ATP8A2: variants seen among roughly 807,000 people sequenced by gnomAD.
ATP8A2 encodes the protein phospholipid-transporting ATPase IB.
In ATP8A2, 100 loss-of-function variants were observed where a neutral mutation model predicts 165.6. The ratio of observed to expected loss-of-function variants is 0.60; its 90% CI spans 0.51 to 0.71. ATP8A2 has a LOEUF of 0.71. Ranked by LOEUF, ATP8A2 falls within the 30% of genes least tolerant of loss-of-function variation. ATP8A2 has a pLI of 0.00. For missense variants in ATP8A2, 1,227 were observed against 1,479.5 expected, an observed-to-expected ratio of 0.83 and a Z score of 2.80; for synonymous variants, 543 against 548.8, an observed-to-expected ratio of 0.99 and a Z score of 0.15.
intron 25 of ATP8A2, among the ~76,000 whole-genome samples, chr13:25,722,394 C>A (rs2043400896): frequency 1.3e-5 from 2 of 152,190 alleles, no homozygotes; most frequent in Non-Finnish European, 2.9e-5. Flanking sequence ...CAGGAAGTTC[C>A]CCATTCCCTA....
chr13:25,836,804 A>G (rs1045615864), intron 28 of ATP8A2, among the ~76,000 whole-genome samples: 3 of 152,238 alleles, frequency 2.0e-5, no homozygotes, highest in Non-Finnish European at 4.4e-5. Context: ...GGAAAGTTGT[A>G]AATTTTACGT....
At chr13:25,603,924 T>G (rs965859177) in intron 24 of ATP8A2, among the ~76,000 whole-genome samples, 4 of 152,066 alleles carry the variant, frequency 2.6e-5, no homozygotes, top group Non-Finnish European at 4.4e-5. Context: ...AAAGGTCTAT[T>G]ATGGAGAAAA....
intron 24 of ATP8A2, among the ~76,000 whole-genome samples, chr13:25,630,835 TA>T (rs1555233889): frequency 1.7e-3 from 254 of 150,052 alleles, no homozygotes; most frequent in Middle Eastern, 0.01. Flanking sequence ...CATCATCTAT[TA>T]AAAAAAAAAT....
Position 26,023,964 on chromosome 13 carries a change from A to G in ATP8A2, c.*3979A>G, listed in dbSNP as rs148695401. The G allele has an allele frequency of 5.4e-4, 83 of 152,332 alleles. No individual in the cohort carries two copies. Among genetic ancestry groups the G allele is most frequent in the Admixed American group, 2.2e-3 (33 of 15,296 alleles). 9.4% of individuals were successfully genotyped at this position (152,332 alleles called of 1,614,324 possible). ...TGAGTTTATCAGGTCGAGTCAAAAC[A>G]TGGCATCCCCTGTTACACTCAAGAA... On this transcript the variant is annotated 3_prime_UTR_variant, in exon 37 of 37. Transcript: ENST00000381655.
At chr13:25,529,918 C>A in intron 2 of ATP8A2, 81 bp from the exon 3 acceptor site, 1 of 764,278 alleles carries the variant, frequency 1.3e-6, no homozygotes, top group South Asian at 2.0e-5. Context: ...ATTTGTAAAA[C>A]TTTCTAAACT....
At chr13:25,559,113 TA>T in intron 14 of ATP8A2, 52 bp downstream of exon 14, 5 of 1,286,640 alleles carry the variant, frequency 3.9e-6, no homozygotes, top group Non-Finnish European at 5.5e-6. Context: ...TTCAAGAAAA[TA>T]AGTTTATTTT....
chr13:25,945,560 T>C (rs632913), intron 33 of ATP8A2, among the ~76,000 whole-genome samples: 34,392 of 152,100 alleles, frequency 0.23, 5,578 homozygotes, highest in African/African-American at 0.47. Context: ...AGAACATTTT[T>C]CTATTAAAAA....
At chr13:25,540,590 T>C (rs1566241798) in intron 8 of ATP8A2, among the ~76,000 whole-genome samples, 1 of 152,194 alleles carries the variant, frequency 6.6e-6, no homozygotes, top group Non-Finnish European at 1.5e-5. Context: ...CTCTAGGTCA[T>C]GCAGGGTGCC....
At chr13:25,662,832 T>C (rs113744243) in intron 24 of ATP8A2, among the ~76,000 whole-genome samples, 1 of 152,236 alleles carries the variant, frequency 6.6e-6, no homozygotes, top group Non-Finnish European at 1.5e-5. Context: ...CATATTTGCA[T>C]GCAGCATCCT....
rs138433495 is a variant in ATP8A2 at position 25,589,509 on chromosome 13, C to G, written c.2147-126C>G. ...AAATCAACTTACTTTTCCTACTCCT[C>G]ACTGTTACCCTATTCCTCTGTGTGA... On this transcript the variant is annotated intron_variant, in intron 23 of 36. Transcript: ENST00000381655. 116 of 626,822 alleles carry G rather than the reference C, an allele frequency of 1.9e-4. 1 individual carries two copies. The highest frequency in any genetic ancestry group is 1.8e-3 in the African/African-American group (97 of 54,296). The allele number at this position is 626,822 out of a possible 1,614,324, so 38.8% of individuals were successfully genotyped here. A position where few individuals can be genotyped will look rare whatever the true frequency, so the allele number is the denominator to read the frequency against.
At chr13:25,564,173 GAT>G (rs1283134114) in intron 16 of ATP8A2, 142 bp downstream of exon 16, 9 of 647,254 alleles carry the variant, frequency 1.4e-5, no homozygotes, top group Non-Finnish European at 2.0e-5. Context: ...TCTGAGAAGT[GAT>G]CTTAGACAAA....
intron 30 of ATP8A2, among the ~76,000 whole-genome samples, chr13:25,849,289 C>T (rs1423701357): frequency 6.6e-6 from 1 of 152,176 alleles, no homozygotes; most frequent in Non-Finnish European, 1.5e-5. Flanking sequence ...ACATGTAAAT[C>T]CAGCCCATCT....
chr13:25,578,297 C>A (rs1000410359), intron 20 of ATP8A2, among the ~76,000 whole-genome samples: 8 of 152,284 alleles, frequency 5.3e-5, no homozygotes, highest in African/African-American at 1.2e-4. Flanking sequence ...GATCTGGTCC[C>A]CCAACCCTTC....
intron 33 of ATP8A2, among the ~76,000 whole-genome samples, chr13:25,878,219 C>T (rs188358341): frequency 3.3e-5 from 5 of 152,238 alleles, no homozygotes; most frequent in Admixed American, 2.0e-4. Context: ...TCTCAGTCAC[C>T]GCCAGTTAGG....
At chr13:25,882,501 A>G (rs369418916) in intron 33 of ATP8A2, among the ~76,000 whole-genome samples, 8 of 152,218 alleles carry the variant, frequency 5.3e-5, no homozygotes, top group African/African-American at 1.9e-4. Flanking sequence ...GAGAAACAGG[A>G]AAGAGAAAAT....
chr13:25,585,119 T>C (rs1280680970), intron 23 of ATP8A2, among the ~76,000 whole-genome samples: 1 of 152,260 alleles, frequency 6.6e-6, no homozygotes, highest in African/African-American at 2.4e-5. Flanking sequence ...GAATTGTATG[T>C]AGATAGACAA....
At chr13:25,790,081 G>A (rs1432019258) in intron 27 of ATP8A2, among the ~76,000 whole-genome samples, 1 of 152,010 alleles carries the variant, frequency 6.6e-6, no homozygotes, top group Non-Finnish European at 1.5e-5. Flanking sequence ...AACTCAAGAT[G>A]GATTAAAGAT....
chr13:25,582,970 A>G (rs917727645), intron 23 of ATP8A2, among the ~76,000 whole-genome samples: 7 of 152,232 alleles, frequency 4.6e-5, no homozygotes, highest in Non-Finnish European at 7.3e-5. Context: ...TAAGCTCACA[A>G]GAGAGTAACA....
At chr13:25,863,400 T>C (rs1023672205) in intron 33 of ATP8A2, 3 of 152,172 alleles carry the variant, frequency 2.0e-5, no homozygotes, top group Non-Finnish European at 2.9e-5. Flanking sequence ...GTGTGCACAC[T>C]GGGCCAAAGG....
Sources: gnomAD v4.1 joint callset for allele counts (sites outside exome capture counted in the v4.1 genomes callset) on GRCh38, gnomAD v4.1.1 for gene constraint, MANE v1.5 for transcripts, NCBI Gene and HGNC (gene_info 2026-07-23, HGNC 2026-07-21) for gene names.